Variants in IQCJ observed in about 807,000 individuals in gnomAD.
IQCJ encodes IQ domain-containing protein J.
IQCJ carries 9 observed loss-of-function variants against 11.0 expected under a neutral mutation model. The observed-to-expected ratio is 0.82, with a 90% CI of 0.49 to 1.43. The LOEUF is 1.43. Among genes scored for constraint, IQCJ ranks in the 40% most tolerant of loss-of-function variants. The probability of loss-of-function intolerance (pLI) is 0.00; values close to 1 mark genes in which losing one functional copy is unlikely to be tolerated. For synonymous variants in IQCJ, 55 were observed against 51.3 expected (o/e 1.07, Z -0.31); for missense variants, 146 against 133.2 (o/e 1.10, Z -0.47).
chr3:159,253,598 C>T (rs186702062), intron 3 of IQCJ, among the ~76,000 whole-genome samples: 2 of 121,596 alleles, frequency 1.6e-5, no homozygotes, highest in African/African-American at 6.6e-5. Context: ...TCTCCCCACC[C>T]TCTCCCTCAC....
At chr3:159,078,326 G>A (rs1716080700) in intron 1 of IQCJ, among the ~76,000 whole-genome samples, 1 of 152,116 alleles carries the variant, frequency 6.6e-6, no homozygotes. Flanking sequence ...GAGGGTGGAA[G>A]TAATTTGCAT....
At position 159,179,894 on chromosome 3, in the gene IQCJ, C is replaced by T. The variant is rs149790606; in HGVS notation, c.10-65949C>T. ...CATGACTCTGTGATCAAGACACAGACATTTTTCTCAAGTAGATTAAGATAT... is the reference window on the plus strand; with the variant it reads ...CATGACTCTGTGATCAAGACACAGATATTTTTCTCAAGTAGATTAAGATAT... On this transcript the variant is annotated intron_variant, in intron 1 of 3. Coordinates refer to ENST00000397832, the MANE Select transcript of IQCJ (RefSeq NM_001042706.3). Among the ~76,000 whole-genome samples the T allele has an allele frequency of 7.9e-4, 121 of 152,216 alleles. 1 individual carries two copies. In the East Asian group the frequency reaches 0.019, roughly 24 times the overall value.
chr3:159,215,965 G>C (rs6791853), intron 1 of IQCJ, among the ~76,000 whole-genome samples: 21,417 of 151,834 alleles, frequency 0.14, 1,777 homozygotes, highest in Middle Eastern at 0.2. Flanking sequence ...CATTATATTA[G>C]GAAATGTCTC....
intron 3 of IQCJ, among the ~76,000 whole-genome samples, chr3:159,253,456 A>G (rs1233082087): frequency 6.6e-6 from 1 of 152,216 alleles, no homozygotes; most frequent in Non-Finnish European, 1.5e-5. Flanking sequence ...TTTTAAGTAG[A>G]GAAGGGGCCT....
At chr3:159,201,324 G>T (rs575167796) in intron 1 of IQCJ, among the ~76,000 whole-genome samples, 25 of 152,308 alleles carry the variant, frequency 1.6e-4, no homozygotes, top group Non-Finnish European at 2.5e-4. Context: ...TTTGAAAAGT[G>T]AAGATTTGGG....
intron 1 of IQCJ, among the ~76,000 whole-genome samples, chr3:159,171,176 C>T (rs1035721109): frequency 6.6e-6 from 1 of 151,944 alleles, no homozygotes; most frequent in Non-Finnish European, 1.5e-5. Context: ...CAACGAGGTA[C>T]TATTAAACAG....
chr3:159,260,876 C>G (rs1020194157), intron 3 of IQCJ, among the ~76,000 whole-genome samples: 1 of 152,080 alleles, frequency 6.6e-6, no homozygotes, highest in Non-Finnish European at 1.5e-5. Context: ...AGCCCCTCAT[C>G]AGGATCTTGG....
At chr3:159,096,305 T>C (rs1717747804) in intron 1 of IQCJ, among the ~76,000 whole-genome samples, 2 of 150,784 alleles carry the variant, frequency 1.3e-5, no homozygotes, top group African/African-American at 2.5e-5. Context: ...TTTTCTCCCA[T>C]TTTATAGGTT....
At chr3:159,259,251 A>G (rs1240823947) in intron 3 of IQCJ, among the ~76,000 whole-genome samples, 2 of 152,224 alleles carry the variant, frequency 1.3e-5, no homozygotes, top group African/African-American at 4.8e-5. Flanking sequence ...GAAGATACAC[A>G]GGAACTGACC....
At chr3:159,076,889 A>G (rs904269036) in intron 1 of IQCJ, among the ~76,000 whole-genome samples, 24 of 152,108 alleles carry the variant, frequency 1.6e-4, no homozygotes, top group Non-Finnish European at 1.5e-5. Flanking sequence ...TTTTTTGTCT[A>G]TAAAATGGAA....
At chr3:159,113,739 G>A (rs1718778581) in intron 1 of IQCJ, among the ~76,000 whole-genome samples, 1 of 152,160 alleles carries the variant, frequency 6.6e-6, no homozygotes, top group South Asian at 2.1e-4. Flanking sequence ...AGTGATGGAA[G>A]ACTCATAACT....
intron 2 of IQCJ, among the ~76,000 whole-genome samples, chr3:159,247,100 G>A (rs1272893696): frequency 6.6e-6 from 1 of 152,088 alleles, no homozygotes; most frequent in Admixed American, 6.5e-5. Context: ...TTATTTTGTT[G>A]TATTTTATTT....
intron 1 of IQCJ, among the ~76,000 whole-genome samples, chr3:159,174,414 A>G (rs1722661148): frequency 6.6e-6 from 1 of 152,174 alleles, no homozygotes; most frequent in African/African-American, 2.4e-5. Context: ...TTAAAAAATT[A>G]ATGTACACAG....
intron 1 of IQCJ, among the ~76,000 whole-genome samples, chr3:159,141,294 T>TG (rs1333721433): frequency 6.6e-6 from 1 of 152,090 alleles, no homozygotes; most frequent in Non-Finnish European, 1.5e-5. Context: ...CCAGGGAGGC[T>TG]GGGGGGCATT....
chr3:159,137,973 C>T (rs558073777), intron 1 of IQCJ, among the ~76,000 whole-genome samples: 3 of 152,248 alleles, frequency 2.0e-5, no homozygotes, highest in East Asian at 3.9e-4. Context: ...ATGCAAATTA[C>T]AATGCTTACA....
At chr3:159,260,977 C>A (rs1425803553) in intron 3 of IQCJ, among the ~76,000 whole-genome samples, 1 of 152,150 alleles carries the variant, frequency 6.6e-6, no homozygotes, top group African/African-American at 2.4e-5. Flanking sequence ...ATTGTTTTCA[C>A]TACAGTTGAT....
chr3:159,076,936 T>C (rs778876273), intron 1 of IQCJ, among the ~76,000 whole-genome samples: 3 of 152,108 alleles, frequency 2.0e-5, no homozygotes, highest in Non-Finnish European at 4.4e-5. Flanking sequence ...TGGTTGGGAA[T>C]TATAGGAGAC....
intron 1 of IQCJ, among the ~76,000 whole-genome samples, chr3:159,086,711 G>A (rs537471963): frequency 1.3e-5 from 2 of 151,856 alleles, no homozygotes; most frequent in Non-Finnish European, 2.9e-5. Flanking sequence ...TGATTTGGCT[G>A]TCTGTTTGTC....
At chr3:159,091,057 G>T (rs1717242461) in intron 1 of IQCJ, among the ~76,000 whole-genome samples, 1 of 151,602 alleles carries the variant, frequency 6.6e-6, no homozygotes, top group Non-Finnish European at 1.5e-5. Context: ...AATTAATGTT[G>T]ACCTATGGAA....
Sources: gnomAD v4.1 joint callset for allele counts (sites outside exome capture counted in the v4.1 genomes callset) on GRCh38, gnomAD v4.1.1 for gene constraint, MANE v1.5 for transcripts, NCBI Gene and HGNC (gene_info 2026-07-23, HGNC 2026-07-21) for gene names.